Variants in DNAJB6 observed in about 807,000 individuals in gnomAD.
DNAJB6 encodes the protein dnaJ homolog subfamily B member 6.
Under a neutral mutation model 42.7 loss-of-function variants are expected in DNAJB6, and 16 were observed. The ratio of observed to expected loss-of-function variants is 0.37; its 90% confidence interval spans 0.25 to 0.57. The LOEUF is 0.57. DNAJB6 is among the 20% of genes least tolerant of loss of function. The pLI is 0.74. For synonymous variants in DNAJB6, 170 were observed against 163.5 expected, an observed-to-expected ratio of 1.04 and a Z score of -0.30; for missense variants, 347 against 416.8, an observed-to-expected ratio of 0.83 and a Z score of 1.46.
At chr7:157,358,046 G>A (rs1363154846) in intron 1 of DNAJB6, among the ~76,000 whole-genome samples, 3 of 152,176 alleles carry the variant, frequency 2.0e-5, no homozygotes, top group Admixed American at 6.5e-5. Flanking sequence ...CTGTTCCCTC[G>A]TGTGGGTGAC....
intron 8 of DNAJB6, among the ~76,000 whole-genome samples, chr7:157,408,359 C>T (rs948632073): frequency 3.9e-5 from 6 of 152,202 alleles, no homozygotes; most frequent in East Asian, 1.9e-4. Flanking sequence ...CTGAGGCCTG[C>T]GCCTCCTCTT....
At chr7:157,365,759 G>C (rs1799811501) in intron 3 of DNAJB6, among the ~76,000 whole-genome samples, 1 of 152,154 alleles carries the variant, frequency 6.6e-6, no homozygotes, top group African/African-American at 2.4e-5. Flanking sequence ...CTGCCTCCTG[G>C]GTTCAAGCGA....
intron 1 of DNAJB6, chr7:157,337,453 C>T (rs1338649977): frequency 6.6e-6 from 1 of 152,410 alleles, no homozygotes; most frequent in African/African-American, 2.4e-5. Flanking sequence ...TGGGGCCCGG[C>T]CTGGGAGCGG....
intron 1 of DNAJB6, among the ~76,000 whole-genome samples, chr7:157,351,035 A>T (rs1447573007): frequency 6.6e-6 from 1 of 151,922 alleles, no homozygotes; most frequent in Non-Finnish European, 1.5e-5. Flanking sequence ...CCCAGGTTCA[A>T]GCAATTCTCC....
intron 1 of DNAJB6, among the ~76,000 whole-genome samples, chr7:157,341,052 C>T (rs1425659449): frequency 1.3e-5 from 2 of 151,754 alleles, no homozygotes; most frequent in Non-Finnish European, 2.9e-5. Context: ...GAACTCCTGG[C>T]CTCAAGTGAG....
chr7:157,410,221 C>A, intron 9 of DNAJB6: 1 of 1,146,844 alleles, frequency 8.7e-7, no homozygotes, highest in Non-Finnish European at 1.2e-6. Flanking sequence ...AAAACGGGGT[C>A]CGCGTGTCCT....
chr7:157,413,167 C>T (rs192001722), intron 9 of DNAJB6: 2 of 151,932 alleles, frequency 1.3e-5, no homozygotes, highest in East Asian at 1.9e-4. Context: ...ACCGGGAACC[C>T]ACCGGATCCT....
At chr7:157,343,321 G>A (rs766417621) in intron 1 of DNAJB6, among the ~76,000 whole-genome samples, 1 of 152,052 alleles carries the variant, frequency 6.6e-6, no homozygotes, top group Non-Finnish European at 1.5e-5. Context: ...CACCATGCCT[G>A]GCTAATTTTT....
At chr7:157,363,081 C>T (rs765344033) in intron 2 of DNAJB6, 80 bp from the exon 3 acceptor site, 44 of 939,194 alleles carry the variant, frequency 4.7e-5, no homozygotes, top group African/African-American at 3.5e-4. Flanking sequence ...AAGCCATTCT[C>T]GTGGTTAATG....
chr7:157,384,425 G>A (rs1563138445), intron 6 of DNAJB6, among the ~76,000 whole-genome samples: 1 of 152,178 alleles, frequency 6.6e-6, no homozygotes, highest in Non-Finnish European at 1.5e-5. Flanking sequence ...AGTCTGTGGA[G>A]TTTACAAGCC....
chr7:157,358,745 C>T (rs2116949737), intron 2 of DNAJB6, 108 bp downstream of exon 2: 5 of 851,406 alleles, frequency 5.9e-6, no homozygotes, highest in South Asian at 1.5e-5. Context: ...TGTAGTATAC[C>T]AGTCTTTGAA....
At chr7:157,368,002 G>C (rs1289860156) in intron 5 of DNAJB6, among the ~76,000 whole-genome samples, 3 of 152,038 alleles carry the variant, frequency 2.0e-5, no homozygotes, top group Non-Finnish European at 2.9e-5. Flanking sequence ...GGTGGCGTGT[G>C]CCTGTGGTCC....
At chr7:157,345,877 G>GA (rs1363382638) in intron 1 of DNAJB6, among the ~76,000 whole-genome samples, 11 of 152,040 alleles carry the variant, frequency 7.2e-5, no homozygotes, top group Non-Finnish European at 1.6e-4. Flanking sequence ...TACTTCTTTT[G>GA]ATTTAGTATA....
chr7:157,349,067 T>C (rs539156452), intron 1 of DNAJB6, among the ~76,000 whole-genome samples: 35 of 152,074 alleles, frequency 2.3e-4, no homozygotes, highest in African/African-American at 8.0e-4. Flanking sequence ...TTTGTGTAGA[T>C]GAGGGCTTGC....
chr7:157,409,172 T>A (rs1336468602), intron 8 of DNAJB6, among the ~76,000 whole-genome samples: 1 of 152,244 alleles, frequency 6.6e-6, no homozygotes, highest in African/African-American at 2.4e-5. Flanking sequence ...CAATGACTTT[T>A]TCTGTATTTC....
intron 8 of DNAJB6, among the ~76,000 whole-genome samples, chr7:157,408,892 G>T (rs1047405100): frequency 4.6e-5 from 7 of 152,216 alleles, no homozygotes; most frequent in African/African-American, 1.7e-4. Context: ...TTACATCTGC[G>T]CAGGGCTCGG....
intron 5 of DNAJB6, chr7:157,369,137 G>T: frequency 2.7e-6 from 1 of 369,384 alleles, no homozygotes; most frequent in Non-Finnish European, 5.3e-6. Context: ...TTAGGGGACC[G>T]GGAGACTGGC....
At chr7:157,375,788 G>T (rs913308266) in intron 5 of DNAJB6, among the ~76,000 whole-genome samples, 2 of 152,244 alleles carry the variant, frequency 1.3e-5, no homozygotes, top group African/African-American at 2.4e-5. Flanking sequence ...AGCAGAGGAA[G>T]TCTGTCTTTC....
intron 8 of DNAJB6, among the ~76,000 whole-genome samples, chr7:157,393,752 C>G (rs1234739224): frequency 1.3e-5 from 2 of 151,434 alleles, no homozygotes; most frequent in African/African-American, 2.5e-5. Flanking sequence ...GGGTGATGAT[C>G]AGATCGGGGT....
Sources: gnomAD v4.1 joint callset for allele counts (sites outside exome capture counted in the v4.1 genomes callset) on GRCh38, gnomAD v4.1.1 for gene constraint, MANE v1.5 for transcripts, NCBI Gene and HGNC (gene_info 2026-07-23, HGNC 2026-07-21) for gene names.